ZNF367: variants seen among roughly 807,000 people sequenced by gnomAD.
ZNF367 encodes the protein zinc finger protein 367.
A neutral mutation model predicts 31.8 loss-of-function variants in ZNF367; 11 were observed. The observed-to-expected ratio is 0.35, with a 90% CI of 0.22 to 0.57. The LOEUF (loss-of-function observed/expected upper bound fraction) is 0.57. Among genes scored for constraint, ZNF367 ranks in the 20% least tolerant of loss-of-function variants. The probability of loss-of-function intolerance (pLI) is 0.85; values close to 1 mark genes in which losing one functional copy is unlikely to be tolerated. For missense variants in ZNF367, 353 were observed against 484.1 expected, an observed-to-expected ratio of 0.73 and a Z score of 2.54; for synonymous variants, 199 against 202.4, an observed-to-expected ratio of 0.98 and a Z score of 0.14.
intron 2 of ZNF367, among the ~76,000 whole-genome samples, chr9:96,397,556 A>G (rs922698832): frequency 5.8e-4 from 88 of 152,298 alleles, no homozygotes; most frequent in African/African-American, 1.9e-3. Flanking sequence ...TATCAAGTAC[A>G]ATTTGGGCAA....
At position 96,417,881 on chromosome 9, in the gene ZNF367, T is replaced by C. The variant is rs766261185; in HGVS notation, c.152A>G (p.Glu51Gly). The change falls in exon 1 of 5, where the codon GAG (glutamate) becomes GGG (glycine). Residue 51 changes from glutamate (E) to glycine (G), a missense_variant. Coordinates refer to ENST00000375256, the MANE Select transcript of ZNF367 (RefSeq NM_153695.4). This position sits in a 1 kb window ranked among gnomAD's most constrained non-coding sequence, Gnocchi z 5.0. Reference sequence around the variant, plus strand: ...GGTGGGGATGAGCGGCGGCGGCGGCTCCGGCTCCCCTCCACCGCCGCACGT... The same window carrying C: ...GGTGGGGATGAGCGGCGGCGGCGGCCCCGGCTCCCCTCCACCGCCGCACGT... ...KPTCGGGGEP[E>G]PPPPLIPTSP... The C allele has an allele frequency of 4.0e-6, 6 of 1,510,248 alleles. No individual in the cohort carries two copies. The highest frequency in any genetic ancestry group is 4.4e-6 in the Non-Finnish European group (5 of 1,137,840). 93.6% of individuals were successfully genotyped at this position (1,510,248 alleles called of 1,614,324 possible). A position where few individuals can be genotyped will look rare whatever the true frequency, so the allele number is the denominator to read the frequency against.
chr9:96,415,315 C>A (rs1400740033), intron 1 of ZNF367, among the ~76,000 whole-genome samples: 1 of 150,292 alleles, frequency 6.7e-6, no homozygotes, highest in African/African-American at 2.5e-5. Flanking sequence ...GATCCGCCTG[C>A]CTCGGTGTCC....
At chr9:96,416,820 A>T (rs1831836904) in intron 1 of ZNF367, among the ~76,000 whole-genome samples, 1 of 152,210 alleles carries the variant, frequency 6.6e-6, no homozygotes, top group South Asian at 2.1e-4. Context: ...TGGAGCTTAC[A>T]GTCTACAGAG....
Position 96,417,774 on chromosome 9 carries a change from C to T in ZNF367, c.259G>A (p.Ala87Thr). 8.0e-7 allele frequency: 1 copy of T among 1,245,212 alleles called. No homozygotes were observed. Among genetic ancestry groups the T allele is most frequent in the East Asian group, 3.1e-5 (1 of 32,220 alleles). The allele number at this position is 1,245,212 out of a possible 1,614,324, so 77.1% of individuals were successfully genotyped here. ...AHNVTLSPGAAGAAASAALPA... is the reference protein window; with the variant it reads ...AHNVTLSPGATGAAASAALPA... Reference sequence around the variant, plus strand: ...AGGGCGGCCGAGGCGGCGGCCCCCGCGGCCCCAGGGCTGAGCGTCACGTTG... The same window carrying T: ...AGGGCGGCCGAGGCGGCGGCCCCCGTGGCCCCAGGGCTGAGCGTCACGTTG... The change falls in exon 1 of 5, where the codon GCG (alanine) becomes ACG (threonine). Residue 87 changes from alanine to threonine, a missense_variant. By Grantham distance (58) the Ala-to-Thr change is moderately conservative (BLOSUM62 0). Coordinates refer to ENST00000375256, the MANE Select transcript of ZNF367 (RefSeq NM_153695.4). This position sits in a 1 kb window ranked among gnomAD's most constrained non-coding sequence, Gnocchi z 5.0.
intron 1 of ZNF367, among the ~76,000 whole-genome samples, chr9:96,402,444 C>CTTTTTTTTT (rs1174997133): frequency 6.8e-4 from 45 of 66,078 alleles, no homozygotes; most frequent in Non-Finnish European, 8.4e-4. Context: ...TTCTTTCTTT[C>CTTTTTTTTT]TTTTTTTTTT....
At position 96,418,182 on chromosome 9, in the gene ZNF367, A is replaced by C; in HGVS notation, c.-150T>G. The C allele has an allele frequency of 8.6e-6, 10 of 1,160,010 alleles. No individual in the cohort carries two copies. Among genetic ancestry groups the C allele is most frequent in the South Asian group, 3.4e-5 (1 of 29,688 alleles). The allele number at this position is 1,160,010 out of a possible 1,614,324, so 71.9% of individuals were successfully genotyped here. A position where few individuals can be genotyped will look rare whatever the true frequency, so the allele number is the denominator to read the frequency against. On this transcript the variant is annotated 5_prime_UTR_variant, in exon 1 of 5. Coordinates refer to ENST00000375256, the MANE Select transcript of ZNF367 (RefSeq NM_153695.4). ...CGGAATCCTGCGCAGCAGCCACCTA[A>C]CTAGTTGAGCAGACGGCACCGGCGG...
intron 1 of ZNF367, among the ~76,000 whole-genome samples, chr9:96,408,939 T>C (rs999578179): frequency 6.6e-6 from 1 of 152,162 alleles, no homozygotes; most frequent in Non-Finnish European, 1.5e-5. Context: ...CCAAATCTCA[T>C]GTTGAAATTT....
At chr9:96,410,262 A>T (rs1304745660) in intron 1 of ZNF367, among the ~76,000 whole-genome samples, 1 of 142,642 alleles carries the variant, frequency 7.0e-6, no homozygotes, top group African/African-American at 2.6e-5. Context: ...CTGTCTCAAA[A>T]AAAAAAGCCA....
rs911295916 is a variant in ZNF367 at position 96,398,198 on chromosome 9, C to A, written c.537G>T (p.Glu179Asp). ...TCCTTTTGTGAGCCTGGAGCGATTT[C>A]TCCCGTGGAAACACCCTATTACAGA... is the stretch of plus-strand genomic sequence containing the variant. ...CNICNRVFPR[E>D]KSLQAHKRTH... The change falls in exon 2 of 5, where the codon GAG (glutamate) becomes GAT (aspartate). Residue 179 changes from glutamate to aspartate, a missense_variant. By Grantham distance (45) the Glu-to-Asp change is conservative. Around this residue, in one of 5 missense-constraint regions of ZNF367, gnomAD observed 57 missense variants for 141.9 expected, o/e 0.40. Coordinates refer to ENST00000375256, the MANE Select transcript of ZNF367 (RefSeq NM_153695.4). The A allele has an allele frequency of 6.3e-7, 1 of 1,578,558 alleles. No individual in the cohort carries two copies.
At chr9:96,405,711 T>G (rs563573418) in intron 1 of ZNF367, among the ~76,000 whole-genome samples, 1 of 152,316 alleles carries the variant, frequency 6.6e-6, no homozygotes, top group Admixed American at 6.5e-5. Context: ...ACATATTATG[T>G]GACTTCATTT....
rs1435495820 is a variant in ZNF367, at chr9:96,415,478, CATTTTTTT to C, written c.420+2127_420+2134del. Among the ~76,000 whole-genome samples, 609 of 65,566 alleles carry C rather than the reference CATTTTTTT, an allele frequency of 9.3e-3. 14 individuals are homozygous for C. The highest frequency in any genetic ancestry group is 0.015 in the Non-Finnish European group (489 of 33,658). The allele number at this position is 65,566 out of a possible 152,430, so 43.0% of individuals were successfully genotyped here. ...TCAACGCTTCTATCGTTAGTTTCTT[CATTTTTTT>C]TTTTTTTTTTTTTTTTTTTTTTTTT... On this transcript the variant is annotated intron_variant, in intron 1 of 4. Coordinates refer to ENST00000375256, the MANE Select transcript of ZNF367 (RefSeq NM_153695.4).
At chr9:96,390,231 C>CAAA (rs879918339) in intron 4 of ZNF367, among the ~76,000 whole-genome samples, 2 of 141,180 alleles carry the variant, frequency 1.4e-5, no homozygotes, top group Non-Finnish European at 3.1e-5. Context: ...AATTACATAC[C>CAAA]AAAAAAAAAA....
chr9:96,388,479 A>G lies in ZNF367; in HGVS notation c.831-20T>C, dbSNP rs1241692443. ...CAATACCTATGTGAAATGCAGCAAC[A>G]TTAGTTACATGGCAGACATGAAATT... On this transcript the variant is annotated intron_variant, in intron 4 of 4. Transcript: ENST00000375256. 22 of 1,589,916 alleles carry G rather than the reference A, an allele frequency of 1.4e-5. No homozygotes were observed. The highest frequency in any genetic ancestry group is 1.8e-5 in the Non-Finnish European group (21 of 1,168,978).
chr9:96,390,869 G>A (rs1179157473), intron 4 of ZNF367, among the ~76,000 whole-genome samples: 1 of 116,404 alleles, frequency 8.6e-6, no homozygotes, highest in East Asian at 3.0e-4. Flanking sequence ...TGACAACAGA[G>A]TAAGACCCTG....
At chr9:96,416,722 TA>T (rs1474124128) in intron 1 of ZNF367, among the ~76,000 whole-genome samples, 1 of 152,210 alleles carries the variant, frequency 6.6e-6, no homozygotes, top group Non-Finnish European at 1.5e-5. Flanking sequence ...ATTACACAAA[TA>T]TTTTTTGAGC....
chr9:96,398,437 TC>T, intron 1 of ZNF367, 123 bp from the exon 2 acceptor site: 1 of 774,806 alleles, frequency 1.3e-6, no homozygotes, highest in Non-Finnish European at 1.9e-6. Flanking sequence ...ACACTTATAG[TC>T]CCAGCTATTT....
intron 1 of ZNF367, among the ~76,000 whole-genome samples, chr9:96,402,234 A>G (rs2897257): frequency 0.29 from 43,879 of 151,858 alleles, 8,417 homozygotes; most frequent in African/African-American, 0.55. Context: ...CCAGCCTGGC[A>G]ACGGAGCTAG....
intron 2 of ZNF367, among the ~76,000 whole-genome samples, chr9:96,395,934 T>C (rs1455934647): frequency 6.6e-6 from 1 of 152,224 alleles, no homozygotes; most frequent in African/African-American, 2.4e-5. Context: ...CATTTTCCAG[T>C]ATAACTCAAA....
In ZNF367 at chr9:96,417,686, G is replaced by A. The variant is rs1414300635; in HGVS notation, c.347C>T (p.Ala116Val). ...TCCCGAGGCGGCGGCGGAGGCCGAG[G>A]CGGCGGGCGGGGGCGCGCCCCGGCC... The part of the protein sequence containing the change: ...LRGRGAPPPA[A>V]SASAAASGGE... Residue 116 changes from alanine (A) to valine (V), a missense_variant, in exon 1 of 5, where the codon GCC becomes GTC. This residue lies in a region of ZNF367 where 70 missense variants were observed against 57.1 expected (regional missense o/e 1.23). Coordinates refer to ENST00000375256, the MANE Select transcript of ZNF367 (RefSeq NM_153695.4). This position sits in a 1 kb window ranked among gnomAD's most constrained non-coding sequence, Gnocchi z 5.0. 6 of 1,116,282 alleles carry A rather than the reference G, an allele frequency of 5.4e-6. No individual in the cohort carries two copies. The highest frequency in any genetic ancestry group is 6.7e-6 in the Non-Finnish European group (6 of 891,784). 69.1% of individuals were successfully genotyped at this position (1,116,282 alleles called of 1,614,324 possible). A position where few individuals can be genotyped will look rare whatever the true frequency, so the allele number is the denominator to read the frequency against.
Sources: gnomAD v4.1 joint callset for allele counts (sites outside exome capture counted in the v4.1 genomes callset) on GRCh38, gnomAD v4.1.1 for gene constraint, gnomAD v4.1.1 regional missense constraint, Gnocchi (gnomAD v3.1) non-coding constraint, MANE v1.5 for transcripts, NCBI Gene and HGNC (gene_info 2026-07-23, HGNC 2026-07-21) for gene names.